Variants in KLF17 observed in about 807,000 individuals in gnomAD.
KLF17 encodes KLF transcription factor 17.
In KLF17, 31 loss-of-function variants were observed where a neutral mutation model predicts 34.2. The ratio of observed to expected loss-of-function variants is 0.91; its 90% confidence interval spans 0.68 to 1.22. KLF17 has a LOEUF of 1.22. KLF17 is among the 50% of genes most tolerant of loss of function. The pLI, the probability that KLF17 is intolerant of heterozygous loss-of-function variation, is 0.00. For synonymous variants in KLF17, 179 were observed against 186.7 expected (o/e 0.96, Z 0.34); for missense variants, 478 against 505.2 (o/e 0.95, Z 0.52).
At chr1:44,121,722 C>T (rs1474803130) in intron 1 of KLF17, among the ~76,000 whole-genome samples, 1 of 152,214 alleles carries the variant, frequency 6.6e-6, no homozygotes, top group Admixed American at 6.5e-5. Flanking sequence ...TTAGATCTTA[C>T]AGCTTAACTG....
chr1:44,127,749 CTT>C (rs1457342662), intron 1 of KLF17, among the ~76,000 whole-genome samples: 1 of 133,664 alleles, frequency 7.5e-6, no homozygotes, highest in Admixed American at 7.7e-5. Flanking sequence ...TCTTTCTTCT[CTT>C]TTCTTTCTTT....
Position 44,129,733 on chromosome 1 carries a change from C to G in KLF17, c.462C>G (p.Pro154=). 6.2e-7 allele frequency: 1 copy of G among 1,614,136 alleles called. No individual in the cohort carries two copies. Among genetic ancestry groups the G allele is most frequent in the Non-Finnish European group, 8.5e-7 (1 of 1,180,016 alleles). The change falls in exon 2 of 4, where the codon CCC becomes CCG. Residue 154 remains proline, a synonymous_variant. Coordinates refer to ENST00000372299, the MANE Select transcript of KLF17 (RefSeq NM_173484.4). ...ARPFGGNLRM[P]PNGLPVSAST... ...CCTTCGGTGGGAATCTAAGGATGCCCCCCAATGGGCTGCCAGTCTCGGCTT... is the reference window on the plus strand; with the variant it reads ...CCTTCGGTGGGAATCTAAGGATGCCGCCCAATGGGCTGCCAGTCTCGGCTT...
the KLF17 span, among the ~76,000 whole-genome samples, chr1:44,080,452 A>G: frequency 6.8e-6 from 1 of 147,026 alleles, no homozygotes; most frequent in Admixed American, 6.8e-5. Flanking sequence ...GTTAGCCAGT[A>G]TGGTCTCCAT....
the KLF17 span, among the ~76,000 whole-genome samples, chr1:44,108,515 A>G: frequency 6.6e-6 from 1 of 152,112 alleles, no homozygotes; most frequent in African/African-American, 2.4e-5. Context: ...GAATTTGTGC[A>G]GGGTGGTGAG....
At chr1:44,087,749 TATATATATATATATATATATACAC>T in the KLF17 span, among the ~76,000 whole-genome samples, 362 of 79,206 alleles carry the variant, frequency 4.6e-3, 3 homozygotes, top group African/African-American at 0.013. Flanking sequence ...TATATATATA[TATATATATATATATATATATACAC>T]ACACACACAC....
At chr1:44,063,607 T>G in the KLF17 span, among the ~76,000 whole-genome samples, 10 of 152,234 alleles carry the variant, frequency 6.6e-5, no homozygotes, top group Non-Finnish European at 1.5e-4. Context: ...ATTTCTTTTC[T>G]TAAAATAATC....
chr1:44,122,158 G>A lies in KLF17; in HGVS notation c.81+3170G>A, dbSNP rs147954608. ...AACAGTAATCCTGAGAGACATTATC[G>A]CCTAGGACCCCCTCTTCCTCTGCCA... On this transcript the variant is annotated intron_variant, in intron 1 of 3. Coordinates refer to ENST00000372299, the MANE Select transcript of KLF17 (RefSeq NM_173484.4). The A allele has an allele frequency of 5.2e-5, 81 of 1,568,866 alleles. 1 individual carries two copies. The East Asian group carries it at 1.6e-3, about 31-fold the overall frequency.
the KLF17 span, chr1:44,110,393 G>C: frequency 6.6e-6 from 1 of 152,108 alleles, no homozygotes; most frequent in Non-Finnish European, 1.5e-5. Flanking sequence ...ATTTAACCTA[G>C]GTTTTAAAGT....
At position 44,129,988 on chromosome 1, in the gene KLF17, TGTCA is replaced by T. The variant is rs1557733682; in HGVS notation, c.723_726del (p.Pro243ThrfsTer19). The T allele has an allele frequency of 6.2e-7, 1 of 1,614,168 alleles. No homozygotes were observed. Among genetic ancestry groups the T allele is most frequent in the Non-Finnish European group, 8.5e-7 (1 of 1,180,026 alleles). On this transcript the variant is annotated frameshift_variant, in exon 2 of 4. Transcript: ENST00000372299. LOFTEE classifies it high-confidence loss of function. ...TGGTTTTAGGATCTCAGGACTCTCT[TGTCA>T]GTCAGCCAGACTCTCAAGAAGGCCC...
chr1:44,072,853 G>C, the KLF17 span, among the ~76,000 whole-genome samples: 2 of 152,104 alleles, frequency 1.3e-5, no homozygotes, highest in Admixed American at 1.3e-4. Context: ...AGAAGGAAGA[G>C]GTAGTCATGT....
chr1:44,060,884 G>A, the KLF17 span, among the ~76,000 whole-genome samples: 1 of 152,268 alleles, frequency 6.6e-6, no homozygotes, highest in South Asian at 2.1e-4. Flanking sequence ...GAAACCTGTT[G>A]CACATACATC....
chr1:44,050,567 G>A, the KLF17 span, among the ~76,000 whole-genome samples: 1 of 152,178 alleles, frequency 6.6e-6, no homozygotes, highest in African/African-American at 2.4e-5. Flanking sequence ...CTATGGGGTA[G>A]CCCTGCTGTG....
chr1:44,128,922 G>T (rs946018516), intron 1 of KLF17, among the ~76,000 whole-genome samples: 29 of 151,892 alleles, frequency 1.9e-4, no homozygotes, highest in Admixed American at 9.2e-4. Flanking sequence ...TGAGGCAGGA[G>T]AATCACTTGA....
chr1:44,131,266 G>A (rs565148289), intron 3 of KLF17, among the ~76,000 whole-genome samples: 149 of 152,234 alleles, frequency 9.8e-4, no homozygotes, highest in African/African-American at 3.5e-3. Context: ...CCTCTCTGGG[G>A]CCACCTGCTT....
intron 1 of KLF17, among the ~76,000 whole-genome samples, chr1:44,127,724 T>C (rs989220329): frequency 2.0e-5 from 3 of 147,566 alleles, no homozygotes; most frequent in Non-Finnish European, 4.5e-5. Flanking sequence ...TCTCTTTTCT[T>C]TCTTTCTTCT....
At chr1:44,098,553 T>C in the KLF17 span, among the ~76,000 whole-genome samples, 1 of 123,174 alleles carries the variant, frequency 8.1e-6, no homozygotes, top group Non-Finnish European at 1.8e-5. Context: ...ATATTTCTTT[T>C]TTTTTTTTTT....
chr1:44,122,047 A>AT, intron 1 of KLF17: 3 of 745,262 alleles, frequency 4.0e-6, no homozygotes, highest in Non-Finnish European at 4.6e-6. Flanking sequence ...TCCTTTTTTC[A>AT]TTTTTTTGTC....
the KLF17 span, among the ~76,000 whole-genome samples, chr1:44,092,359 T>G: frequency 1.3e-5 from 2 of 152,022 alleles, no homozygotes; most frequent in South Asian, 4.2e-4. Flanking sequence ...AAAAAACTTG[T>G]ACTTCACTAC....
the KLF17 span, among the ~76,000 whole-genome samples, chr1:44,079,307 C>CTTTTTTTT: frequency 5.0e-5 from 7 of 140,866 alleles, no homozygotes; most frequent in African/African-American, 1.6e-4. Context: ...TTTTCTTCTC[C>CTTTTTTTT]TTTTTTTTTT....
Sources: allele counts gnomAD v4.1 joint callset (sites outside exome capture counted in the v4.1 genomes callset), GRCh38; gene constraint gnomAD v4.1.1; transcripts MANE v1.5; gene names NCBI Gene and HGNC (gene_info 2026-07-23, HGNC 2026-07-21).